The following TEX11 variants were observed in gnomAD, a reference collection of about 807,000 sequenced individuals.
TEX11 encodes testis expressed 11.
Under a neutral mutation model 84.4 loss-of-function variants are expected in TEX11, and 7 were observed. The observed-to-expected ratio is 0.08, with a 90% CI of 0.05 to 0.16. The LOEUF (loss-of-function observed/expected upper bound fraction) is 0.16, where lower values mean the gene tolerates loss of function less well. Ranked by LOEUF, TEX11 falls within the 10% of genes least tolerant of loss-of-function variation. TEX11 has a pLI of 1.00. For synonymous variants in TEX11, 264 were observed against 222.8 expected (o/e 1.18, Z -1.64); for missense variants, 551 against 660.5 (o/e 0.83, Z 1.82).
intron 17 of TEX11, among the ~76,000 whole-genome samples, chrX:70,641,098 C>A (rs1427006215): frequency 2.7e-5 from 3 of 110,854 alleles, no homozygotes; most frequent in South Asian, 7.9e-4. Context: ...GGAAAACAAA[C>A]AAAGGCAGGG....
intron 25 of TEX11, among the ~76,000 whole-genome samples, chrX:70,562,371 T>G (rs2147956326): frequency 8.9e-6 from 1 of 111,813 alleles, no homozygotes; most frequent in Admixed American, 9.5e-5. Context: ...GATACTGTAA[T>G]AATTTTTAGG....
intron 4 of TEX11, among the ~76,000 whole-genome samples, chrX:70,868,981 A>G (rs1749342461): frequency 1.9e-5 from 2 of 107,554 alleles, no homozygotes; most frequent in South Asian, 8.1e-4. Flanking sequence ...ACCATGGCAC[A>G]TGTATACCTA....
chrX:70,836,861 A>G lies in TEX11; in HGVS notation c.526-3268T>C, dbSNP rs763068359. Among the ~76,000 whole-genome samples, 7 of 111,178 alleles carry G rather than the reference A, an allele frequency of 6.3e-5. No individual in the cohort carries two copies. In the East Asian group the frequency reaches 2.0e-3, roughly 32 times the overall value. ...GCAAAGCCCCATTTCTACTAAAAAT[A>G]CAAAAATTAGCCAGGCATGGTGGCA... On this transcript the variant is annotated intron_variant, in intron 7 of 29. Coordinates refer to ENST00000374333, the MANE Select transcript of TEX11 (RefSeq NM_031276.3).
At chrX:70,784,563 T>C (rs1243245975) in intron 9 of TEX11, among the ~76,000 whole-genome samples, 1 of 111,631 alleles carries the variant, frequency 9.0e-6, no homozygotes, top group Non-Finnish European at 1.9e-5. Flanking sequence ...GGTGACATGA[T>C]TGTATATTTA....
intron 13 of TEX11, among the ~76,000 whole-genome samples, chrX:70,700,659 A>AT (rs2090318728): frequency 9.0e-6 from 1 of 111,439 alleles, no homozygotes; most frequent in Non-Finnish European, 1.9e-5. Flanking sequence ...GAATATTCAC[A>AT]TATCTCTCAT....
chrX:70,740,877 G>T, intron 10 of TEX11, 81 bp from the exon 11 acceptor site: 1 of 560,863 alleles, frequency 1.8e-6, no homozygotes, highest in South Asian at 4.1e-5. Flanking sequence ...CTCCCACAGT[G>T]ACAGGCATCT....
chrX:70,856,073 C>T (rs1285008510), intron 5 of TEX11, among the ~76,000 whole-genome samples: 6 of 111,888 alleles, frequency 5.4e-5, no homozygotes, highest in Admixed American at 1.9e-4. Context: ...TAGTAATAGC[C>T]TTAAAAGTGG....
the TEX11 span, among the ~76,000 whole-genome samples, chrX:70,515,065 T>TCTCACA: frequency 1.1e-5 from 1 of 87,619 alleles, no homozygotes; most frequent in Non-Finnish European, 2.1e-5. Flanking sequence ...TGAAACTCGG[T>TCTCACA]CACACACACA....
intron 9 of TEX11, among the ~76,000 whole-genome samples, chrX:70,765,328 G>A (rs1444706489): frequency 9.0e-6 from 1 of 111,394 alleles, no homozygotes; most frequent in Non-Finnish European, 1.9e-5. Context: ...AGAGGTTGCA[G>A]TGAATGGAGA....
intron 9 of TEX11, among the ~76,000 whole-genome samples, chrX:70,770,553 G>A (rs1003228256): frequency 9.1e-6 from 1 of 110,110 alleles, no homozygotes; most frequent in African/African-American, 3.3e-5. Context: ...ATGTGCACAT[G>A]TACCCTAAAA....
intron 24 of TEX11, among the ~76,000 whole-genome samples, chrX:70,595,245 C>G (rs1390956178): frequency 5.4e-5 from 6 of 110,331 alleles, no homozygotes; most frequent in Non-Finnish European, 9.5e-5. Flanking sequence ...CCATGCCCAG[C>G]TAATTTTGTG....
chrX:70,592,630 T>C (rs1230276374), intron 24 of TEX11, among the ~76,000 whole-genome samples: 1 of 111,433 alleles, frequency 9.0e-6, no homozygotes, highest in Admixed American at 9.6e-5. Flanking sequence ...AGAGTGTCCA[T>C]GCTGGGAGCA....
intron 9 of TEX11, among the ~76,000 whole-genome samples, chrX:70,772,731 A>C (rs2147778525): frequency 9.0e-6 from 1 of 111,641 alleles, no homozygotes; most frequent in Admixed American, 9.6e-5. Flanking sequence ...ACAAGCGAAC[A>C]CAGACAACTA....
intron 4 of TEX11, among the ~76,000 whole-genome samples, chrX:70,864,062 C>A (rs939068662): frequency 9.0e-6 from 1 of 111,625 alleles, no homozygotes; most frequent in Non-Finnish European, 1.9e-5. Context: ...CAAACAAAGC[C>A]TCCAAGAAAT....
At chrX:70,587,133 A>G (rs1439033897) in intron 25 of TEX11, among the ~76,000 whole-genome samples, 1 of 112,564 alleles carries the variant, frequency 8.9e-6, no homozygotes, top group African/African-American at 3.2e-5. Context: ...GAAGCAGAGC[A>G]TAAAAGTTTG....
chrX:70,735,861 A>G (rs1222608273), intron 11 of TEX11, among the ~76,000 whole-genome samples: 1 of 112,017 alleles, frequency 8.9e-6, no homozygotes, highest in Non-Finnish European at 1.9e-5. Context: ...AACTAATGAT[A>G]TTGAGTATCT....
chrX:70,899,845 T>TAA (rs746225121), intron 2 of TEX11, among the ~76,000 whole-genome samples: 1,923 of 30,586 alleles, frequency 0.063, 158 homozygotes, highest in Non-Finnish European at 0.09. Flanking sequence ...GGTCCTGTAT[T>TAA]AAAAAAAAAA....
chrX:70,758,752 A>G (rs2090887038), intron 9 of TEX11, among the ~76,000 whole-genome samples: 1 of 112,144 alleles, frequency 8.9e-6, no homozygotes. Flanking sequence ...AGCAGAAGGC[A>G]AGAAATAACT....
the TEX11 span, among the ~76,000 whole-genome samples, chrX:70,523,038 C>T: frequency 2.7e-5 from 3 of 110,575 alleles, no homozygotes; most frequent in African/African-American, 9.9e-5. Flanking sequence ...ATCAAGGAAG[C>T]CTTCAAGTCC....
Sources: allele counts gnomAD v4.1 joint callset (sites outside exome capture counted in the v4.1 genomes callset), GRCh38; gene constraint gnomAD v4.1.1; transcripts MANE v1.5; gene names NCBI Gene and HGNC (gene_info 2026-07-23, HGNC 2026-07-21).